RANBP17: variants seen among roughly 807,000 people sequenced by gnomAD.
RANBP17 encodes ran-binding protein 17.
RANBP17 carries 158 observed loss-of-function variants against 141.2 expected under a neutral mutation model. The ratio of observed to expected loss-of-function variants is 1.12; its 90% CI spans 0.98 to 1.28. The LOEUF is 1.28. RANBP17 is among the 50% of genes most tolerant of loss of function. The pLI is 0.00. For synonymous variants in RANBP17, 430 were observed against 450.0 expected (o/e 0.96, Z 0.56); for missense variants, 1,438 against 1,290.7 (o/e 1.11, Z -1.75).
At chr5:171,063,871 C>A (rs1029915197) in intron 14 of RANBP17, among the ~76,000 whole-genome samples, 2 of 152,144 alleles carry the variant, frequency 1.3e-5, no homozygotes, top group South Asian at 4.1e-4. Flanking sequence ...CAATGGCGGG[C>A]GCCCCTCCCC....
In RANBP17 at chr5:171,283,597, A is replaced by G. The variant is rs192240370; in HGVS notation, c.2944-10286A>G. 2.0e-5 allele frequency among the ~76,000 whole-genome samples: 3 copies of G among 152,364 alleles called. No homozygotes were observed. The East Asian group carries it at 5.8e-4, about 29-fold the overall frequency. ...AATACTTAATGGAAAATATTTCTGAAGGGTCCCATGAATTGTCCACAAGAA... is the reference window on the plus strand; with the variant it reads ...AATACTTAATGGAAAATATTTCTGAGGGGTCCCATGAATTGTCCACAAGAA... On this transcript the variant is annotated intron_variant, in intron 25 of 27. Transcript: ENST00000523189.
At chr5:170,913,818 A>G (rs1488267803) in intron 7 of RANBP17, among the ~76,000 whole-genome samples, 2 of 151,992 alleles carry the variant, frequency 1.3e-5, no homozygotes, top group African/African-American at 4.8e-5. Context: ...GATAGGGTAC[A>G]GTTTTTTTTT....
intron 14 of RANBP17, among the ~76,000 whole-genome samples, chr5:171,019,134 T>G (rs1348442452): frequency 1.3e-5 from 2 of 152,216 alleles, no homozygotes; most frequent in Admixed American, 1.3e-4. Context: ...ATAAGTTTTT[T>G]GATGTGCTGC....
At chr5:171,041,438 T>C (rs1782244622) in intron 14 of RANBP17, among the ~76,000 whole-genome samples, 1 of 152,178 alleles carries the variant, frequency 6.6e-6, no homozygotes, top group African/African-American at 2.4e-5. Flanking sequence ...AGTCCTGTAA[T>C]ATCCTAGTTG....
At chr5:171,189,322 G>C (rs1288265250) in intron 18 of RANBP17, among the ~76,000 whole-genome samples, 1 of 152,186 alleles carries the variant, frequency 6.6e-6, no homozygotes, top group Non-Finnish European at 1.5e-5. Flanking sequence ...TAAGCATCAA[G>C]TTATGATTAA....
intron 25 of RANBP17, chr5:171,284,809 C>G (rs1768058786): frequency 6.6e-6 from 1 of 152,218 alleles, no homozygotes; most frequent in Admixed American, 6.5e-5. Context: ...AGTATCTAAA[C>G]TTCTTACCTT....
At chr5:171,103,467 T>A (rs1312637751) in intron 14 of RANBP17, among the ~76,000 whole-genome samples, 1 of 152,110 alleles carries the variant, frequency 6.6e-6, no homozygotes, top group African/African-American at 2.4e-5. Flanking sequence ...AGCTCAAGCA[T>A]CCCAGGTCGA....
intron 14 of RANBP17, among the ~76,000 whole-genome samples, chr5:170,987,357 A>T (rs1778210297): frequency 6.6e-6 from 1 of 151,362 alleles, no homozygotes; most frequent in Admixed American, 6.6e-5. Flanking sequence ...TATCATAATC[A>T]GTTTTTGTAA....
At chr5:171,278,200 C>T (rs1767651877) in intron 25 of RANBP17, among the ~76,000 whole-genome samples, 1 of 151,818 alleles carries the variant, frequency 6.6e-6, no homozygotes. Flanking sequence ...GCCTGGGCAA[C>T]ATAGCAAGAC....
At chr5:171,090,698 T>C (rs940431898) in intron 14 of RANBP17, among the ~76,000 whole-genome samples, 1 of 151,996 alleles carries the variant, frequency 6.6e-6, no homozygotes, top group African/African-American at 2.4e-5. Flanking sequence ...GTCCCTCTGC[T>C]CTGTGCAGTC....
chr5:171,139,428 A>ATCTTTCTTTCAGAATCCTC (rs1363257554), intron 14 of RANBP17, among the ~76,000 whole-genome samples: 2 of 152,170 alleles, frequency 1.3e-5, no homozygotes, highest in Non-Finnish European at 2.9e-5. Flanking sequence ...CTACATACTT[A>ATCTTTCTTTCAGAATCCTC]TCTTTCTTTC....
chr5:171,150,356 A>G (rs1460420141), intron 14 of RANBP17, among the ~76,000 whole-genome samples: 1 of 152,062 alleles, frequency 6.6e-6, no homozygotes, highest in East Asian at 1.9e-4. Flanking sequence ...GTACTTGGCC[A>G]TAGTGTGATA....
intron 20 of RANBP17, chr5:171,206,016 T>C (rs1349961846): frequency 3.0e-6 from 1 of 332,274 alleles, no homozygotes; most frequent in Non-Finnish European, 5.9e-6. Flanking sequence ...GCCTAACCCA[T>C]CATGCCACAG....
chr5:171,089,662 T>C (rs1405329241), intron 14 of RANBP17, among the ~76,000 whole-genome samples: 1 of 152,090 alleles, frequency 6.6e-6, no homozygotes, highest in Non-Finnish European at 1.5e-5. Context: ...AATCTCGTGG[T>C]GCGCCGTTTT....
At chr5:171,227,222 A>T (rs1422058965) in intron 22 of RANBP17, among the ~76,000 whole-genome samples, 1 of 152,268 alleles carries the variant, frequency 6.6e-6, no homozygotes, top group Non-Finnish European at 1.5e-5. Context: ...CTCTTGCACC[A>T]AACAGCCAAG....
At position 170,955,681 on chromosome 5, in the gene RANBP17, T is replaced by TATATATAC. The variant is rs769742239; in HGVS notation, c.1574+1980_1574+1981insTATATACA. On this transcript the variant is annotated intron_variant, in intron 13 of 27. Coordinates refer to ENST00000523189, the MANE Select transcript of RANBP17 (RefSeq NM_022897.5). ...ATATATATATATATATATATATATA[T>TATATATAC]ACACTGAATGAACTCTGTAGAGGAA... is the stretch of plus-strand genomic sequence containing the variant. Among the ~76,000 whole-genome samples the TATATATAC allele has an allele frequency of 2.0e-4, 8 of 39,088 alleles. 1 individual carries two copies. Among genetic ancestry groups the TATATATAC allele is most frequent in the Non-Finnish European group, 3.8e-4 (7 of 18,430 alleles). 25.6% of individuals were successfully genotyped at this position (39,088 alleles called of 152,430 possible).
Position 170,943,809 on chromosome 5 carries a change from C to A in RANBP17, c.1469-9788C>A, listed in dbSNP as rs181248543. On this transcript the variant is annotated intron_variant, in intron 12 of 27. Coordinates refer to ENST00000523189, the MANE Select transcript of RANBP17 (RefSeq NM_022897.5). Reference sequence around the variant, plus strand: ...GCATGATGTTTTGATAAATACGTAGCGAAATGACTACTACAGTCAGCCAAA... The same window carrying A: ...GCATGATGTTTTGATAAATACGTAGAGAAATGACTACTACAGTCAGCCAAA... Among the ~76,000 whole-genome samples, 721 of 152,096 alleles carry A rather than the reference C, an allele frequency of 4.7e-3. 4 individuals are homozygous for A. Among genetic ancestry groups the A allele is most frequent in the African/African-American group, 0.017 (699 of 41,494 alleles).
At chr5:171,209,522 A>G (rs1314322656) in intron 20 of RANBP17, among the ~76,000 whole-genome samples, 4 of 152,178 alleles carry the variant, frequency 2.6e-5, no homozygotes, top group Non-Finnish European at 4.4e-5. Flanking sequence ...GTGCCAGACA[A>G]AAGGAATGAA....
At chr5:171,279,965 CCTGT>C (rs1317144254) in intron 25 of RANBP17, among the ~76,000 whole-genome samples, 6 of 152,138 alleles carry the variant, frequency 3.9e-5, no homozygotes, top group Admixed American at 1.3e-4. Flanking sequence ...CCTTTTCATC[CCTGT>C]CTAAGAGAGA....
Sources: gnomAD v4.1 joint callset for allele counts (sites outside exome capture counted in the v4.1 genomes callset) on GRCh38, gnomAD v4.1.1 for gene constraint, MANE v1.5 for transcripts, NCBI Gene and HGNC (gene_info 2026-07-23, HGNC 2026-07-21) for gene names.